The following BBX variants were observed in gnomAD, a reference collection of about 807,000 sequenced individuals.
BBX encodes BBX high mobility group box domain containing.
Under a neutral mutation model 100.2 loss-of-function variants are expected in BBX, and 30 were observed. The ratio of observed to expected loss-of-function variants is 0.30; its 90% confidence interval spans 0.22 to 0.41. BBX has a LOEUF of 0.41. Ranked by LOEUF, BBX falls within the 10% of genes least tolerant of loss-of-function variation. The probability of loss-of-function intolerance (pLI) is 1.00; values close to 1 mark genes in which losing one functional copy is unlikely to be tolerated. For missense variants in BBX, 1,023 were observed against 1,129.8 expected (o/e 0.91, Z 1.35); for synonymous variants, 376 against 388.1 (o/e 0.97, Z 0.37).
At chr3:107,744,228 CAATA>C (rs2064377336) in intron 7 of BBX, among the ~76,000 whole-genome samples, 1 of 151,856 alleles carries the variant, frequency 6.6e-6, no homozygotes, top group Non-Finnish European at 1.5e-5. Context: ...AGAGGATGTA[CAATA>C]AATAAATATT....
chr3:107,759,032 C>A (rs1298727262), intron 10 of BBX, among the ~76,000 whole-genome samples: 1 of 152,048 alleles, frequency 6.6e-6, no homozygotes, highest in Non-Finnish European at 1.5e-5. Flanking sequence ...ATATTTGGGG[C>A]ATATATTTAC....
intron 3 of BBX, among the ~76,000 whole-genome samples, chr3:107,675,308 T>A (rs1331735730): frequency 2.6e-5 from 4 of 152,258 alleles, no homozygotes; most frequent in Non-Finnish European, 5.9e-5. Context: ...TGAACTTCTG[T>A]TTTTTGGCCA....
chr3:107,718,255 A>T (rs1418052062), intron 5 of BBX, among the ~76,000 whole-genome samples: 2 of 147,386 alleles, frequency 1.4e-5, no homozygotes, highest in Non-Finnish European at 3.0e-5. Flanking sequence ...AACTATTATA[A>T]TAGTATTAAT....
chr3:107,536,106 G>C (rs1306142006), intron 2 of BBX, among the ~76,000 whole-genome samples: 1 of 152,220 alleles, frequency 6.6e-6, no homozygotes, highest in East Asian at 1.9e-4. Flanking sequence ...TCAGTCAGCA[G>C]TTCTAATTCA....
intron 3 of BBX, among the ~76,000 whole-genome samples, chr3:107,646,984 G>A (rs186951607): frequency 1.3e-5 from 2 of 152,210 alleles, no homozygotes; most frequent in East Asian, 3.9e-4. Flanking sequence ...ACTTGAATGT[G>A]TATTTATAAT....
chr3:107,625,623 G>A (rs1211440811), intron 2 of BBX, among the ~76,000 whole-genome samples: 1 of 152,118 alleles, frequency 6.6e-6, no homozygotes, highest in Non-Finnish European at 1.5e-5. Context: ...TTTAACATCA[G>A]TTATTTTTTT....
intron 2 of BBX, among the ~76,000 whole-genome samples, chr3:107,630,577 A>C (rs2056484438): frequency 6.6e-6 from 1 of 152,238 alleles, no homozygotes; most frequent in African/African-American, 2.4e-5. Flanking sequence ...CAATGAGCTT[A>C]TCTTTCATCT....
intron 2 of BBX, among the ~76,000 whole-genome samples, chr3:107,561,178 T>A (rs368167521): frequency 6.6e-6 from 1 of 152,198 alleles, no homozygotes; most frequent in East Asian, 1.9e-4. Context: ...GTCTGCATGG[T>A]CCATATGTTA....
intron 3 of BBX, among the ~76,000 whole-genome samples, chr3:107,669,477 A>G (rs996917491): frequency 1.2e-4 from 19 of 152,112 alleles, no homozygotes; most frequent in Non-Finnish European, 2.5e-4. Flanking sequence ...GAAGGGGCAC[A>G]AAAAAGATGC....
chr3:107,559,480 A>G (rs1478132275), intron 2 of BBX, among the ~76,000 whole-genome samples: 1 of 152,216 alleles, frequency 6.6e-6, no homozygotes, highest in Non-Finnish European at 1.5e-5. Flanking sequence ...TTACAGATAT[A>G]ATAGATACAG....
intron 3 of BBX, among the ~76,000 whole-genome samples, chr3:107,699,089 A>AC (rs1324336216): frequency 6.6e-6 from 1 of 151,796 alleles, no homozygotes; most frequent in Non-Finnish European, 1.5e-5. Context: ...ACCATGGTGA[A>AC]CACGATGCAG....
intron 10 of BBX, among the ~76,000 whole-genome samples, chr3:107,770,017 A>C (rs1189353238): frequency 6.6e-6 from 1 of 152,214 alleles, no homozygotes; most frequent in Non-Finnish European, 1.5e-5. Flanking sequence ...ATAATCTGTG[A>C]AAAAATTTTT....
intron 2 of BBX, among the ~76,000 whole-genome samples, chr3:107,628,466 G>A (rs2056345856): frequency 6.6e-6 from 1 of 151,748 alleles, no homozygotes; most frequent in Non-Finnish European, 1.5e-5. Context: ...ATCATTTGAA[G>A]CCTCTCAGTA....
chr3:107,778,482 T>G lies in BBX; in HGVS notation c.2166T>G (p.Thr722=), dbSNP rs759953593. The change falls in exon 13 of 18, where the codon ACT becomes ACG. Residue 722 remains threonine (T), a synonymous_variant. Coordinates refer to ENST00000325805, the MANE Select transcript of BBX (RefSeq NM_001142568.3). ...CTGTCCCAAGAAAAAAGAAGAAGAC[T>G]GGAAATGTGTCCTCAGAACCGACTA... ...CVPVPRKKKK[T]GNVSSEPTKT... 1 of 1,613,292 alleles carries G rather than the reference T, an allele frequency of 6.2e-7. No homozygotes were observed. The highest frequency in any genetic ancestry group is 1.1e-5 in the South Asian group (1 of 91,068).
chr3:107,634,580 T>G (rs1212209717), intron 2 of BBX, among the ~76,000 whole-genome samples: 1 of 152,196 alleles, frequency 6.6e-6, no homozygotes, highest in Non-Finnish European at 1.5e-5. Context: ...TCCCCAAAAT[T>G]TATTATATGA....
intron 2 of BBX, among the ~76,000 whole-genome samples, chr3:107,601,160 A>AGCACCTGGTGCTT (rs1300228427): frequency 6.6e-6 from 1 of 152,130 alleles, no homozygotes. Flanking sequence ...TAATTGGTAA[A>AGCACCTGGTGCTT]AGTTGTGTGT....
intron 3 of BBX, among the ~76,000 whole-genome samples, chr3:107,674,582 T>C (rs73850116): frequency 0.013 from 2,025 of 152,274 alleles, 41 homozygotes; most frequent in African/African-American, 0.047. Context: ...GACTCACTTC[T>C]TTCCCCTGGC....
chr3:107,550,979 T>C (rs1404521877), intron 2 of BBX, among the ~76,000 whole-genome samples: 1 of 152,172 alleles, frequency 6.6e-6, no homozygotes, highest in Non-Finnish European at 1.5e-5. Context: ...TTTGAGAAAA[T>C]GAAAACCTCA....
At chr3:107,566,829 T>G (rs1389636000) in intron 2 of BBX, among the ~76,000 whole-genome samples, 5 of 152,038 alleles carry the variant, frequency 3.3e-5, no homozygotes, top group African/African-American at 1.2e-4. Flanking sequence ...ACTATTTTTG[T>G]TCTTTTTACT....
Sources: allele counts gnomAD v4.1 joint callset (sites outside exome capture counted in the v4.1 genomes callset), GRCh38; gene constraint gnomAD v4.1.1; transcripts MANE v1.5; gene names NCBI Gene and HGNC (gene_info 2026-07-23, HGNC 2026-07-21).